Variants in ABCC9 observed in about 807,000 individuals in gnomAD.
ABCC9 encodes the protein ATP-binding cassette sub-family C member 9.
Under a neutral mutation model 188.3 loss-of-function variants are expected in ABCC9, and 95 were observed. That is an observed-to-expected ratio of 0.50 (90% CI 0.43 to 0.60). The LOEUF (loss-of-function observed/expected upper bound fraction) is 0.60. Ranked by LOEUF, ABCC9 falls within the 20% of genes least tolerant of loss-of-function variation. The pLI is 0.00. For missense variants in ABCC9, 1,102 were observed against 1,876.3 expected (o/e 0.59, Z 7.62); for synonymous variants, 659 against 652.7 (o/e 1.01, Z -0.15).
chr12:21,802,728 C>G (rs1463973785), intron 39 of ABCC9, among the ~76,000 whole-genome samples: 3 of 152,124 alleles, frequency 2.0e-5, no homozygotes, highest in Non-Finnish European at 4.4e-5. Context: ...GTCCAGAGTT[C>G]TAAACCTAAA....
chr12:21,933,666 C>T (rs1161773250), intron 4 of ABCC9, 116 bp downstream of exon 4: 2 of 1,227,588 alleles, frequency 1.6e-6, no homozygotes, highest in Non-Finnish European at 2.4e-6. Flanking sequence ...CTACATGGAT[C>T]AGAGAGCAAA....
intron 26 of ABCC9, 108 bp from the exon 27 acceptor site, chr12:21,845,023 G>T: frequency 7.2e-7 from 1 of 1,389,512 alleles, no homozygotes; most frequent in Non-Finnish European, 1.0e-6. Context: ...TCATTATTTT[G>T]CATGCATTTA....
intron 12 of ABCC9, among the ~76,000 whole-genome samples, chr12:21,902,143 T>G (rs1457381786): frequency 6.6e-6 from 1 of 151,854 alleles, no homozygotes; most frequent in Non-Finnish European, 1.5e-5. Flanking sequence ...ATTAAGAAAC[T>G]CACTCAAAAC....
Position 21,862,853 on chromosome 12 carries a change from A to G in ABCC9, c.2339+100T>C, listed in dbSNP as rs1374752361. The G allele has an allele frequency of 5.0e-6, 4 of 793,736 alleles. No individual in the cohort carries two copies. The East Asian group carries it at 1.0e-4, about 20-fold the overall frequency. The allele number at this position is 793,736 out of a possible 1,614,324, so 49.2% of individuals were successfully genotyped here. ...GAAAACGGGGCCAGCAGGAAAGAAA[A>G]TACCAGATGTAAAGGTTCCAGAAAC... On this transcript the variant is annotated intron_variant, in intron 20 of 39. Transcript: ENST00000261200.
At chr12:21,831,808 G>C (rs999349922) in intron 30 of ABCC9, among the ~76,000 whole-genome samples, 9 of 152,174 alleles carry the variant, frequency 5.9e-5, no homozygotes, top group Non-Finnish European at 1.2e-4. Flanking sequence ...TCTCCCTAGA[G>C]GACTGTGTGA....
At chr12:21,805,868 T>C in intron 39 of ABCC9, 130 bp downstream of exon 39, 1 of 935,450 alleles carries the variant, frequency 1.1e-6, no homozygotes, top group Non-Finnish European at 1.7e-6. Context: ...TTTTCTTTTT[T>C]GCACAGATAC....
At chr12:21,936,475 G>T in intron 3 of ABCC9, 58 bp downstream of exon 3, 1 of 1,434,608 alleles carries the variant, frequency 7.0e-7, no homozygotes, top group Non-Finnish European at 9.7e-7. Context: ...CCAAATCTCA[G>T]CCATTAGCGA....
intron 5 of ABCC9, among the ~76,000 whole-genome samples, 159 bp downstream of exon 5, chr12:21,925,783 T>TC (rs1405134571): frequency 6.6e-6 from 1 of 151,988 alleles, no homozygotes; most frequent in East Asian, 1.9e-4. Context: ...AACCCCACAT[T>TC]TACTGGGCAG....
chr12:21,926,759 C>A (rs1949062477), intron 4 of ABCC9, among the ~76,000 whole-genome samples: 1 of 152,086 alleles, frequency 6.6e-6, no homozygotes, highest in African/African-American at 2.4e-5. Context: ...GGCAGAGGGG[C>A]CAATGTGTTC....
intron 39 of ABCC9, 67 bp downstream of exon 39, chr12:21,805,931 C>T: frequency 6.8e-7 from 1 of 1,477,338 alleles, no homozygotes; most frequent in South Asian, 1.1e-5. Flanking sequence ...TTTGCTAAAA[C>T]CTAAAGATGA....
chr12:21,836,238 C>A (rs1249068721), intron 30 of ABCC9, among the ~76,000 whole-genome samples: 1 of 152,142 alleles, frequency 6.6e-6, no homozygotes, highest in Non-Finnish European at 1.5e-5. Flanking sequence ...CTGATCATAT[C>A]ACTTTCCTGC....
intron 29 of ABCC9, among the ~76,000 whole-genome samples, chr12:21,841,079 T>C (rs947525326): frequency 1.3e-5 from 2 of 152,228 alleles, no homozygotes; most frequent in African/African-American, 4.8e-5. Flanking sequence ...AACAGGCCCC[T>C]GACATATCAA....
In ABCC9 at chr12:21,894,180, C is replaced by T. The variant is rs1947296274; in HGVS notation, c.1660-6G>A. On this transcript the variant is annotated splice_region_variant and splice_polypyrimidine_tract_variant and intron_variant, in intron 13 of 39. Transcript: ENST00000261200. ...TACGCATGGGTCACAAATGTCTGTG[C>T]AAAGAAAGGAGTTCTTTAGAGAAAG... is the stretch of plus-strand genomic sequence containing the variant. 6.2e-7 allele frequency: 1 copy of T among 1,613,788 alleles called. No homozygotes were observed. The highest frequency in any genetic ancestry group is 1.3e-5 in the African/African-American group (1 of 74,878).
At chr12:21,830,024 A>T (rs756418936) in intron 30 of ABCC9, among the ~76,000 whole-genome samples, 4 of 152,210 alleles carry the variant, frequency 2.6e-5, no homozygotes, top group African/African-American at 4.8e-5. Flanking sequence ...TGGTCATTGC[A>T]TAAAAGGAAT....
rs1948575256 is a variant in ABCC9 at position 21,915,699 on chromosome 12, A to G, written c.785T>C (p.Val262Ala). The change falls in exon 7 of 40, where the codon GTT becomes GCT. Residue 262 changes from valine to alanine, a missense_variant. By Grantham distance (64) the Val-to-Ala change is moderately conservative. Around this residue, in one of 12 missense-constraint regions of ABCC9, gnomAD observed 305 missense variants for 573.0 expected, o/e 0.53. Coordinates refer to ENST00000261200, the MANE Select transcript of ABCC9 (RefSeq NM_020297.4). ...PIAMRAVTNY[V>A]CLKDAYEEQK... ...TTCTTCATATGCATCTTTCAGGCAA[A>G]CATAATTTGTTACTGCTCTCATTGC... 1 of 1,611,954 alleles carries G rather than the reference A, an allele frequency of 6.2e-7. No individual in the cohort carries two copies. The highest frequency in any genetic ancestry group is 8.5e-7 in the Non-Finnish European group (1 of 1,179,404).
At chr12:21,904,307 C>A (rs1947925743) in intron 12 of ABCC9, among the ~76,000 whole-genome samples, 1 of 152,128 alleles carries the variant, frequency 6.6e-6, no homozygotes, top group South Asian at 2.1e-4. Flanking sequence ...AAATGTTAGA[C>A]CCAAAACCAT....
At chr12:21,821,805 A>G (rs188298181) in intron 31 of ABCC9, among the ~76,000 whole-genome samples, 1 of 152,282 alleles carries the variant, frequency 6.6e-6, no homozygotes, top group Admixed American at 6.5e-5. Context: ...TATTCTGGCA[A>G]AAGGGCCAGC....
At chr12:21,821,799 C>G (rs1473159739) in intron 31 of ABCC9, among the ~76,000 whole-genome samples, 2 of 151,980 alleles carry the variant, frequency 1.3e-5, no homozygotes, top group African/African-American at 4.8e-5. Context: ...TAGTCTTATT[C>G]TGGCAAAAGG....
chr12:21,878,912 T>C (rs1348239331), intron 16 of ABCC9, among the ~76,000 whole-genome samples: 2 of 152,154 alleles, frequency 1.3e-5, no homozygotes, highest in Non-Finnish European at 2.9e-5. Flanking sequence ...CCAGCAGGGT[T>C]AAAATCCTGA....
Sources: gnomAD v4.1 joint callset for allele counts (sites outside exome capture counted in the v4.1 genomes callset) on GRCh38, gnomAD v4.1.1 for gene constraint, gnomAD v4.1.1 regional missense constraint, MANE v1.5 for transcripts, NCBI Gene and HGNC (gene_info 2026-07-23, HGNC 2026-07-21) for gene names.